The following ITGA4 variants were observed in gnomAD, a reference collection of about 807,000 sequenced individuals.
ITGA4 encodes integrin subunit alpha 4, also known as integrin alpha-4.
ITGA4 carries 63 observed loss-of-function variants against 133.6 expected under a neutral mutation model. That is an observed-to-expected ratio of 0.47 (90% CI 0.38 to 0.58). The LOEUF is 0.58. Among genes scored for constraint, ITGA4 ranks in the 20% least tolerant of loss-of-function variants. The pLI is 0.00. For missense variants in ITGA4, 1,076 were observed against 1,252.7 expected (o/e 0.86, Z 2.13); for synonymous variants, 483 against 438.0 (o/e 1.10, Z -1.28).
chr2:181,475,140 C>T lies in ITGA4; in HGVS notation c.427-19C>T. ...GGGTGCAGCTTTCACATCATTTGGT[C>T]TACTTTTATTTTATTCAGACTTGTG... On this transcript the variant is annotated intron_variant, in intron 3 of 27. Transcript: ENST00000397033. The T allele has an allele frequency of 6.2e-7, 1 of 1,613,304 alleles. No individual in the cohort carries two copies.
In ITGA4 at chr2:181,457,596, A is replaced by G. The variant is rs1341671186; in HGVS notation, c.-59A>G. On this transcript the variant is annotated 5_prime_UTR_variant, in exon 1 of 28. Coordinates refer to ENST00000397033, the MANE Select transcript of ITGA4 (RefSeq NM_000885.6). The stretch of plus-strand genomic sequence containing the variant: ...TTCTTCCCCGTTGGCCAACCGTCGC[A>G]TCCCGTGCAACTTTGGGGTAGTGGC... The G allele has an allele frequency of 6.6e-7, 1 of 1,509,978 alleles. No homozygotes were observed. Among genetic ancestry groups the G allele is most frequent in the African/African-American group, 1.4e-5 (1 of 72,424 alleles). The allele number at this position is 1,509,978 out of a possible 1,614,324, so 93.5% of individuals were successfully genotyped here. A position where few individuals can be genotyped will look rare whatever the true frequency, so the allele number is the denominator to read the frequency against.
intron 18 of ITGA4, among the ~76,000 whole-genome samples, 175 bp downstream of exon 18, chr2:181,522,516 A>G (rs992542151): frequency 1.3e-5 from 2 of 152,158 alleles, no homozygotes; most frequent in African/African-American, 4.8e-5. Flanking sequence ...CTTGGGTCTT[A>G]AGTCCAAAGG....
intron 16 of ITGA4, among the ~76,000 whole-genome samples, chr2:181,510,952 A>C (rs1686494202): frequency 1.3e-5 from 2 of 151,944 alleles, no homozygotes; most frequent in East Asian, 3.9e-4. Context: ...AGATATTTAC[A>C]CCTCTCCCCC....
rs755778714 is a variant in ITGA4 at position 181,523,572 on chromosome 2, A to T, written c.2169+40A>T. The T allele has an allele frequency of 8.9e-7, 1 of 1,118,468 alleles. No individual in the cohort carries two copies. Among genetic ancestry groups the T allele is most frequent in the Non-Finnish European group, 1.4e-6 (1 of 739,648 alleles). The allele number at this position is 1,118,468 out of a possible 1,614,324, so 69.3% of individuals were successfully genotyped here. On this transcript the variant is annotated intron_variant, in intron 19 of 27. Coordinates refer to ENST00000397033, the MANE Select transcript of ITGA4 (RefSeq NM_000885.6). This position sits in a 1 kb window ranked among gnomAD's most constrained non-coding sequence, Gnocchi z 4.2. The stretch of plus-strand genomic sequence containing the variant: ...TTTATGGCTTTTGTTCACTATCATG[A>T]ATATTTTTTTCTATTCTTCCCTATC...
intron 4 of ITGA4, chr2:181,475,693 T>C: frequency 8.2e-7 from 1 of 1,223,996 alleles, no homozygotes; most frequent in Non-Finnish European, 1.1e-6. Context: ...GGAAGAATAA[T>C]CAGTGTAAGC....
chr2:181,509,467 A>G (rs1429486440), intron 15 of ITGA4, among the ~76,000 whole-genome samples, 191 bp from the exon 16 acceptor site: 1 of 152,082 alleles, frequency 6.6e-6, no homozygotes, highest in East Asian at 1.9e-4. Flanking sequence ...TGTGTTTTTC[A>G]TAAGAAACGT....
intron 22 of ITGA4, 146 bp downstream of exon 22, chr2:181,527,533 C>A: frequency 1.7e-6 from 1 of 585,682 alleles, no homozygotes; most frequent in Non-Finnish European, 3.1e-6. Flanking sequence ...AGTGGTACTC[C>A]TGCCTCTCAG....
chr2:181,469,619 A>AT (rs1359151206), intron 2 of ITGA4, among the ~76,000 whole-genome samples: 1 of 152,228 alleles, frequency 6.6e-6, no homozygotes, highest in African/African-American at 2.4e-5. Context: ...ATTCACATGT[A>AT]TGTTTATTGC....
chr2:181,464,735 C>T (rs1044978102), intron 2 of ITGA4, among the ~76,000 whole-genome samples: 1 of 152,040 alleles, frequency 6.6e-6, no homozygotes, highest in African/African-American at 2.4e-5. Context: ...TCTAGGTCCG[C>T]CTTGGGTTCC....
rs780579046 is a variant in ITGA4 at position 181,538,222 on chromosome 2, G to A, written c.*2695G>A. On this transcript the variant is annotated 3_prime_UTR_variant, in exon 28 of 28. Coordinates refer to ENST00000397033, the MANE Select transcript of ITGA4 (RefSeq NM_000885.6). The stretch of plus-strand genomic sequence containing the variant: ...ATTTCTTCCATGCTTCCTCCATAAA[G>A]ACTGATAAGTCTTGGATGCAATCTG... 1.9e-6 allele frequency: 3 copies of A among 1,592,426 alleles called. No homozygotes were observed. Among genetic ancestry groups the A allele is most frequent in the African/African-American group, 2.7e-5 (2 of 74,450 alleles).
In ITGA4 at chr2:181,495,873, T is replaced by C. The variant is rs776421707; in HGVS notation, c.1476T>C (p.Pro492=). 6.2e-7 allele frequency: 1 copy of C among 1,614,088 alleles called. No homozygotes were observed. The highest frequency in any genetic ancestry group is 2.2e-5 in the East Asian group (1 of 44,872). ...TTGACTGTGTTGAAAATGGATGGCC[T>C]TCTGTGTGCATAGATCTAACACTTT... ...TKFDCVENGW[P]SVCIDLTLCF... The change falls in exon 14 of 28, where the codon CCT becomes CCC. Residue 492 remains proline, a synonymous_variant. Coordinates refer to ENST00000397033, the MANE Select transcript of ITGA4 (RefSeq NM_000885.6). This position sits in a 1 kb window ranked among gnomAD's most constrained non-coding sequence, Gnocchi z 4.3.
At chr2:181,476,533 TG>T (rs1685681385) in intron 4 of ITGA4, among the ~76,000 whole-genome samples, 1 of 152,218 alleles carries the variant, frequency 6.6e-6, no homozygotes, top group African/African-American at 2.4e-5. Context: ...TATCATTTTT[TG>T]GAAGAAGCAA....
At position 181,498,640 on chromosome 2, in the gene ITGA4, A is replaced by C; in HGVS notation, c.1558A>C (p.Ser520Arg). The change falls in exon 15 of 28, where the codon AGT (serine) becomes CGT (arginine). Residue 520 changes from serine (S) to arginine (R), a missense_variant. Ser to Arg is a moderately radical substitution (Grantham distance 110, BLOSUM62 -1). Transcript: ENST00000397033. Reference protein sequence around the residue: ...PGYIVLFYNMSLDVNRKAESP... With the variant: ...PGYIVLFYNMRLDVNRKAESP... ...TTTTGCAGTTTTGTTTTATAACATG[A>C]GTTTGGATGTGAACAGAAAGGCAGA... is the stretch of plus-strand genomic sequence containing the variant. The C allele has an allele frequency of 6.2e-7, 1 of 1,603,332 alleles. No homozygotes were observed. The highest frequency in any genetic ancestry group is 8.5e-7 in the Non-Finnish European group (1 of 1,174,388).
chr2:181,530,563 G>A lies in ITGA4; in HGVS notation c.2578G>A (p.Val860Met). 1 of 1,613,240 alleles carries A rather than the reference G, an allele frequency of 6.2e-7. No homozygotes were observed. The highest frequency in any genetic ancestry group is 8.5e-7 in the Non-Finnish European group (1 of 1,179,306). ...ATGCCACTTTGAAAATTATCAAAGA[G>A]TGTGTGCATTAGAGCAGCAAAAGAG... The part of the protein sequence containing the change: ...GECHFENYQR[V>M]CALEQQKSAM... Residue 860 changes from valine (V) to methionine (M), a missense_variant, in exon 24 of 28, where the codon GTG becomes ATG. Coordinates refer to ENST00000397033, the MANE Select transcript of ITGA4 (RefSeq NM_000885.6).
intron 2 of ITGA4, among the ~76,000 whole-genome samples, chr2:181,463,179 C>T (rs113881191): frequency 2.6e-5 from 4 of 152,148 alleles, no homozygotes; most frequent in African/African-American, 7.2e-5. Flanking sequence ...TTTGAGAGCA[C>T]GATGCTTTTG....
chr2:181,483,457 A>G (rs1474165420), intron 9 of ITGA4, among the ~76,000 whole-genome samples: 2 of 152,190 alleles, frequency 1.3e-5, no homozygotes, highest in African/African-American at 4.8e-5. Flanking sequence ...TTCAGTCAGG[A>G]TTCAACAAAG....
intron 23 of ITGA4, among the ~76,000 whole-genome samples, chr2:181,529,922 T>A (rs1044669996): frequency 6.6e-6 from 1 of 152,236 alleles, no homozygotes; most frequent in African/African-American, 2.4e-5. Flanking sequence ...TATTTTAAGA[T>A]ACATTGTTGT....
At chr2:181,494,182 G>T (rs958393517) in intron 11 of ITGA4, among the ~76,000 whole-genome samples, 1 of 152,216 alleles carries the variant, frequency 6.6e-6, no homozygotes, top group Non-Finnish European at 1.5e-5. Context: ...GGCTAGGGTT[G>T]TTCTTGTTAA....
chr2:181,458,428 A>G (rs948807815), intron 2 of ITGA4, 111 bp downstream of exon 2: 1 of 1,330,098 alleles, frequency 7.5e-7, no homozygotes, highest in Non-Finnish European at 1.0e-6. Flanking sequence ...TGGTTTAAAG[A>G]GCATAAAGTT....
Sources: allele counts gnomAD v4.1 joint callset (sites outside exome capture counted in the v4.1 genomes callset), GRCh38; gene constraint gnomAD v4.1.1; non-coding constraint Gnocchi (gnomAD v3.1); transcripts MANE v1.5; gene names NCBI Gene and HGNC (gene_info 2026-07-23, HGNC 2026-07-21).